The following BACH2 variants were observed in gnomAD, a reference collection of about 807,000 sequenced individuals.
BACH2 encodes BACH transcriptional regulator 2, also known as transcription regulator protein BACH2.
A neutral mutation model predicts 61.8 loss-of-function variants in BACH2; 5 were observed. The ratio of observed to expected loss-of-function variants is 0.08; its 90% CI spans 0.04 to 0.17. The LOEUF is 0.17. Among genes scored for constraint, BACH2 ranks in the 10% least tolerant of loss-of-function variants. BACH2 has a pLI of 1.00. For synonymous variants in BACH2, 446 were observed against 440.1 expected (o/e 1.01, Z -0.17); for missense variants, 824 against 1,091.1 (o/e 0.76, Z 3.45).
chr6:90,084,225 T>A (rs1781835836), intron 5 of BACH2, among the ~76,000 whole-genome samples: 1 of 151,964 alleles, frequency 6.6e-6, no homozygotes, highest in Non-Finnish European at 1.5e-5. Context: ...CACATCTGAT[T>A]CCTGCGAATG....
intron 5 of BACH2, among the ~76,000 whole-genome samples, chr6:90,024,240 A>G (rs1460326827): frequency 6.6e-6 from 1 of 152,190 alleles, no homozygotes; most frequent in African/African-American, 2.4e-5. Context: ...TGACTTAATC[A>G]CAAAGGTCCT....
In BACH2 at chr6:89,991,479, GCA is replaced by G. The variant is rs141966281; in HGVS notation, c.243+17121_243+17122del. Among the ~76,000 whole-genome samples, 199 of 149,986 alleles carry G rather than the reference GCA, an allele frequency of 1.3e-3. 1 individual carries two copies. The highest frequency in any genetic ancestry group is 3.7e-3 in the African/African-American group (153 of 41,114). On this transcript the variant is annotated intron_variant, in intron 6 of 8. Coordinates refer to ENST00000257749, the MANE Select transcript of BACH2 (RefSeq NM_021813.4). ...TGTTCACGTAAGCGTGCACGCGCAT[GCA>G]CACACACACACACACATGCATATGT...
chr6:90,065,638 A>G (rs1247984784), intron 5 of BACH2, among the ~76,000 whole-genome samples: 1 of 152,192 alleles, frequency 6.6e-6, no homozygotes. Context: ...ATTCAGCCCC[A>G]GTCGAGCCAG....
chr6:90,078,446 G>T (rs1309742633), intron 5 of BACH2, among the ~76,000 whole-genome samples: 3 of 152,134 alleles, frequency 2.0e-5, no homozygotes, highest in African/African-American at 7.2e-5. Flanking sequence ...CCCCCAGTTG[G>T]CATTAGTAAC....
chr6:90,137,831 A>G (rs1582408529), intron 4 of BACH2, among the ~76,000 whole-genome samples: 1 of 152,220 alleles, frequency 6.6e-6, no homozygotes, highest in Admixed American at 6.5e-5. Flanking sequence ...CCAGACTTCT[A>G]ATAAGATTCG....
rs1052283886 is a variant in BACH2 at position 90,139,517 on chromosome 6, T to A, written c.-161-50408A>T. 2.0e-5 allele frequency among the ~76,000 whole-genome samples: 3 copies of A among 152,336 alleles called. No individual in the cohort carries two copies. The East Asian group carries it at 5.8e-4, about 29-fold the overall frequency. On this transcript the variant is annotated intron_variant, in intron 4 of 8. Coordinates refer to ENST00000257749, the MANE Select transcript of BACH2 (RefSeq NM_021813.4). The stretch of plus-strand genomic sequence containing the variant: ...CAGCTGCTGCCTCATCACCTCTAGG[T>A]TGCCACGCCCCACTTACTTTCTGAT...
chr6:90,174,134 C>T (rs768727703), intron 4 of BACH2, among the ~76,000 whole-genome samples: 4 of 151,934 alleles, frequency 2.6e-5, no homozygotes, highest in Non-Finnish European at 5.9e-5. Context: ...GAGAAACTAA[C>T]CATAAGACAG....
chr6:90,032,210 A>C (rs1779025429), intron 5 of BACH2, among the ~76,000 whole-genome samples: 1 of 151,338 alleles, frequency 6.6e-6, no homozygotes, highest in Non-Finnish European at 1.5e-5. Flanking sequence ...TTAATTCAAG[A>C]TGGATTAAAG....
At chr6:89,984,033 C>G (rs1776103549) in intron 6 of BACH2, among the ~76,000 whole-genome samples, 1 of 152,190 alleles carries the variant, frequency 6.6e-6, no homozygotes, top group African/African-American at 2.4e-5. Flanking sequence ...GACTTTATCT[C>G]TTTGCTTCTT....
At chr6:89,978,186 CAA>C (rs1407349928) in intron 6 of BACH2, among the ~76,000 whole-genome samples, 1 of 152,132 alleles carries the variant, frequency 6.6e-6, no homozygotes, top group South Asian at 2.1e-4. Flanking sequence ...AGAGTGGAGA[CAA>C]AGAGACAAAT....
At chr6:90,188,751 C>T (rs1351059014) in intron 4 of BACH2, among the ~76,000 whole-genome samples, 2 of 135,854 alleles carry the variant, frequency 1.5e-5, no homozygotes, top group South Asian at 2.4e-4. Context: ...GGTCTGGTGG[C>T]CCCAAAATGA....
intron 5 of BACH2, among the ~76,000 whole-genome samples, chr6:90,085,846 ACCATTTTAC>A (rs1486479400): frequency 2.6e-5 from 4 of 152,180 alleles, no homozygotes; most frequent in Admixed American, 1.3e-4. Flanking sequence ...CATAAAATTT[ACCATTTTAC>A]CCATTTTAAG....
intron 2 of BACH2, among the ~76,000 whole-genome samples, chr6:90,263,026 T>C (rs1356060163): frequency 6.6e-6 from 1 of 152,206 alleles, no homozygotes; most frequent in Non-Finnish European, 1.5e-5. Flanking sequence ...GTTTGTAAAT[T>C]TGATATGTAA....
chr6:89,964,112 C>T (rs538868492), intron 6 of BACH2, among the ~76,000 whole-genome samples: 12 of 150,834 alleles, frequency 8.0e-5, no homozygotes, highest in South Asian at 2.1e-4. Flanking sequence ...TGCTAGATGA[C>T]GAGTTAGTGG....
intron 4 of BACH2, among the ~76,000 whole-genome samples, chr6:90,130,696 C>T (rs936809995): frequency 6.6e-6 from 1 of 152,222 alleles, no homozygotes; most frequent in Admixed American, 6.5e-5. Flanking sequence ...CAGGCCAGCA[C>T]CCCCTGCTTC....
intron 4 of BACH2, among the ~76,000 whole-genome samples, chr6:90,139,618 T>G (rs1316273244): frequency 1.3e-5 from 2 of 152,104 alleles, no homozygotes; most frequent in African/African-American, 4.8e-5. Context: ...GGGTAGGGGT[T>G]GGGGATATTC....
chr6:90,235,109 T>C (rs889620703), intron 3 of BACH2, among the ~76,000 whole-genome samples: 1 of 152,200 alleles, frequency 6.6e-6, no homozygotes, highest in African/African-American at 2.4e-5. Flanking sequence ...CAAGACCTTT[T>C]TTCGGCTGCA....
At chr6:90,269,521 G>A (rs976875992) in intron 2 of BACH2, among the ~76,000 whole-genome samples, 2 of 152,190 alleles carry the variant, frequency 1.3e-5, no homozygotes, top group Admixed American at 1.3e-4. Flanking sequence ...TGTGGTGAAT[G>A]AAATGCTTTA....
intron 4 of BACH2, among the ~76,000 whole-genome samples, chr6:90,121,712 T>G (rs1437534923): frequency 2.6e-5 from 4 of 151,728 alleles, no homozygotes; most frequent in African/African-American, 2.4e-5. Flanking sequence ...ACCCAGCTAA[T>G]TTTTTGTATT....
Sources: allele counts gnomAD v4.1 joint callset (sites outside exome capture counted in the v4.1 genomes callset), GRCh38; gene constraint gnomAD v4.1.1; transcripts MANE v1.5; gene names NCBI Gene and HGNC (gene_info 2026-07-23, HGNC 2026-07-21).